MYO16: variants seen among roughly 807,000 people sequenced by gnomAD.
MYO16 encodes myosin XVI, also known as unconventional myosin-XVI.
Under a neutral mutation model 205.3 loss-of-function variants are expected in MYO16, and 94 were observed. The observed-to-expected ratio is 0.46, with a 90% CI of 0.39 to 0.54. The LOEUF (loss-of-function observed/expected upper bound fraction) is 0.54. Among genes scored for constraint, MYO16 ranks in the 20% least tolerant of loss-of-function variants. The pLI is 0.00. For missense variants in MYO16, 2,315 were observed against 2,387.5 expected, an observed-to-expected ratio of 0.97 and a Z score of 0.63; for synonymous variants, 988 against 954.0, an observed-to-expected ratio of 1.04 and a Z score of -0.66.
intron 12 of MYO16, among the ~76,000 whole-genome samples, chr13:108,869,542 A>G (rs1039066722): frequency 2.6e-4 from 38 of 146,100 alleles, no homozygotes; most frequent in South Asian, 4.5e-4. Context: ...GGCTAACACG[A>G]TGAAACCCCG....
chr13:109,002,633 C>A (rs1190655305), intron 21 of MYO16, among the ~76,000 whole-genome samples: 5 of 152,154 alleles, frequency 3.3e-5, no homozygotes, highest in African/African-American at 1.2e-4. Flanking sequence ...TAATTGAACC[C>A]CAAAACAACT....
Position 109,141,366 on chromosome 13 carries a change from GGAAGCA to G in MYO16, c.5159_5164del (p.Ala1720_Glu1721del), listed in dbSNP as rs1484080831. ...AATCCGCGGCGGGAAGAAAAATCAG[GGAAGCA>G]GAAGGTAAGCGGAGCAGACATCCCC... On this transcript the variant is annotated inframe_deletion, in exon 32 of 35. Transcript: ENST00000457511. The surrounding 1 kb of genome is among the most constrained non-coding windows in gnomAD (Gnocchi z 4.1). 6.5e-6 allele frequency: 10 copies of G among 1,529,354 alleles called. No individual in the cohort carries two copies. Among genetic ancestry groups the G allele is most frequent in the Non-Finnish European group, 8.8e-6 (10 of 1,140,772 alleles). 94.7% of individuals were successfully genotyped at this position (1,529,354 alleles called of 1,614,324 possible).
intron 23 of MYO16, among the ~76,000 whole-genome samples, chr13:109,032,145 C>T (rs1441990964): frequency 2.0e-5 from 3 of 152,132 alleles, no homozygotes; most frequent in Non-Finnish European, 4.4e-5. Flanking sequence ...GCTGCTCCCC[C>T]TCGACCCTGG....
upstream of MYO16, among the ~76,000 whole-genome samples, chr13:108,592,861 A>G (rs564871474): frequency 5.2e-3 from 794 of 152,116 alleles, 12 homozygotes; most frequent in African/African-American, 0.018. Context: ...AATTAAAAAA[A>G]CATTGTATGC....
intron 16 of MYO16, among the ~76,000 whole-genome samples, chr13:108,944,893 G>A (rs191351502): frequency 1.2e-3 from 190 of 152,236 alleles, no homozygotes; most frequent in Non-Finnish European, 1.9e-3. Context: ...AATGGCAGTA[G>A]TAATAGTAAA....
intron 28 of MYO16, among the ~76,000 whole-genome samples, chr13:109,108,273 GAATA>G (rs1398237742): frequency 6.6e-6 from 1 of 152,190 alleles, no homozygotes; most frequent in African/African-American, 2.4e-5. Context: ...ATGAATGAAT[GAATA>G]AATGAACCTC....
At chr13:108,712,101 T>C (rs1458197529) in intron 2 of MYO16, among the ~76,000 whole-genome samples, 1 of 152,222 alleles carries the variant, frequency 6.6e-6, no homozygotes, top group Non-Finnish European at 1.5e-5. Flanking sequence ...ACTGTGAATT[T>C]ATTCGAGTAA....
the MYO16 span, among the ~76,000 whole-genome samples, chr13:108,586,152 A>G: frequency 2.0e-5 from 3 of 152,152 alleles, no homozygotes; most frequent in Admixed American, 6.5e-5. Context: ...ACACACACAC[A>G]TACACACATG....
chr13:108,714,375 G>C (rs1282300441), intron 3 of MYO16, among the ~76,000 whole-genome samples: 1 of 152,108 alleles, frequency 6.6e-6, no homozygotes, highest in Non-Finnish European at 1.5e-5. Context: ...TTTTCGGGAG[G>C]TCTAGTTATC....
Position 109,130,943 on chromosome 13 carries a change from A to T in MYO16, c.4051+3393A>T, listed in dbSNP as rs373438627. Among the ~76,000 whole-genome samples, 18 of 152,270 alleles carry T rather than the reference A, an allele frequency of 1.2e-4. No individual in the cohort carries two copies. In the East Asian group the frequency reaches 3.5e-3, roughly 29 times the overall value. On this transcript the variant is annotated intron_variant, in intron 31 of 34. Transcript: ENST00000457511. ...AAGTACTCAGTAGCCACAGGGGTAG[A>T]ATTTTTCCATCATCACCGAAGCTTC...
chr13:108,497,060 G>A, the MYO16 span, among the ~76,000 whole-genome samples: 1 of 152,136 alleles, frequency 6.6e-6, no homozygotes, highest in Non-Finnish European at 1.5e-5. Context: ...GACTATTTCT[G>A]ACGCTCCTGC....
chr13:108,884,733 C>A (rs1879778733), intron 13 of MYO16, among the ~76,000 whole-genome samples: 1 of 151,290 alleles, frequency 6.6e-6, no homozygotes, highest in Admixed American at 6.6e-5. Context: ...GAGACACGGG[C>A]TCTCACCCAT....
At chr13:108,553,254 G>A in the MYO16 span, among the ~76,000 whole-genome samples, 1 of 151,824 alleles carries the variant, frequency 6.6e-6, no homozygotes, top group Non-Finnish European at 1.5e-5. Context: ...ACCTCCCAAA[G>A]TGCTGGGATT....
chr13:108,961,415 C>A, intron 17 of MYO16, 124 bp from the exon 18 acceptor site: 1 of 699,040 alleles, frequency 1.4e-6, no homozygotes, highest in Admixed American at 2.3e-5. Flanking sequence ...TTGGGATCTG[C>A]AAACTCCCAA....
At chr13:108,957,602 A>G in intron 16 of MYO16, 86 bp from the exon 17 acceptor site, 1 of 858,984 alleles carries the variant, frequency 1.2e-6, no homozygotes, top group Admixed American at 2.0e-5. Context: ...ATCATTTTAG[A>G]GATCAAATAC....
At chr13:109,165,561 A>T (rs1222536092) in intron 33 of MYO16, among the ~76,000 whole-genome samples, 1 of 152,204 alleles carries the variant, frequency 6.6e-6, no homozygotes, top group Non-Finnish European at 1.5e-5. Flanking sequence ...GGCGTCTGGG[A>T]ATAACTGATG....
At chr13:108,900,007 T>A (rs1055616480) in intron 15 of MYO16, among the ~76,000 whole-genome samples, 3 of 152,318 alleles carry the variant, frequency 2.0e-5, no homozygotes, top group Admixed American at 2.0e-4. Context: ...GCACAACTAG[T>A]GCAAGGAGGA....
intron 20 of MYO16, among the ~76,000 whole-genome samples, chr13:108,981,210 C>T (rs894127317): frequency 2.2e-4 from 33 of 152,138 alleles, no homozygotes; most frequent in Admixed American, 1.9e-3. Context: ...ATTCCTTTCT[C>T]TCTGGATCTC....
intron 27 of MYO16, among the ~76,000 whole-genome samples, chr13:109,068,298 A>C (rs113470487): frequency 9.2e-5 from 14 of 152,220 alleles, no homozygotes; most frequent in Non-Finnish European, 2.1e-4. Context: ...ATTAACGATT[A>C]AATTAGTCTA....
Sources: allele counts gnomAD v4.1 joint callset (sites outside exome capture counted in the v4.1 genomes callset), GRCh38; gene constraint gnomAD v4.1.1; non-coding constraint Gnocchi (gnomAD v3.1); transcripts MANE v1.5; gene names NCBI Gene and HGNC (gene_info 2026-07-23, HGNC 2026-07-21).